Variants in FGF14 observed in about 807,000 individuals in gnomAD.
FGF14 encodes the protein fibroblast growth factor 14, also known as fibroblast growth factor homologous factor 4.
FGF14 carries 5 observed loss-of-function variants against 25.5 expected under a neutral mutation model. That is an observed-to-expected ratio of 0.20 (90% CI 0.10 to 0.41). The LOEUF (loss-of-function observed/expected upper bound fraction) is 0.41, where lower values mean the gene tolerates loss of function less well. Ranked by LOEUF, FGF14 falls within the 10% of genes least tolerant of loss-of-function variation. The probability of loss-of-function intolerance (pLI) is 1.00; values close to 1 mark genes in which losing one functional copy is unlikely to be tolerated. For synonymous variants in FGF14, 138 were observed against 118.3 expected (o/e 1.17, Z -1.08); for missense variants, 222 against 320.1 (o/e 0.69, Z 2.34).
At chr13:102,016,125 T>G (rs1458404262) in intron 1 of FGF14, among the ~76,000 whole-genome samples, 1 of 152,172 alleles carries the variant, frequency 6.6e-6, no homozygotes, top group Non-Finnish European at 1.5e-5. Context: ...AGCATCATTT[T>G]AAGTATTTTA....
At chr13:101,987,400 T>C (rs1196659256) in intron 1 of FGF14, among the ~76,000 whole-genome samples, 1 of 152,092 alleles carries the variant, frequency 6.6e-6, no homozygotes, top group East Asian at 1.9e-4. Flanking sequence ...TTCTCTTCTT[T>C]CATTTCCTTT....
intron 1 of FGF14, among the ~76,000 whole-genome samples, chr13:102,154,616 C>T (rs1395832104): frequency 2.0e-5 from 3 of 152,036 alleles, no homozygotes; most frequent in Admixed American, 1.3e-4. Flanking sequence ...AACTAACGAG[C>T]AAAATAACCA....
intron 1 of FGF14, among the ~76,000 whole-genome samples, chr13:102,222,304 A>G (rs1418665364): frequency 1.3e-5 from 2 of 152,166 alleles, no homozygotes; most frequent in Admixed American, 6.5e-5. Context: ...TGATTGCTAG[A>G]TCTTCTGGCA....
intron 1 of FGF14, among the ~76,000 whole-genome samples, chr13:102,353,092 G>A (rs2057333900): frequency 1.3e-5 from 2 of 152,044 alleles, no homozygotes; most frequent in African/African-American, 4.8e-5. Flanking sequence ...AAGTCACAAG[G>A]AATTGAAAAC....
At chr13:102,246,751 C>CAT (rs34759741) in intron 1 of FGF14, among the ~76,000 whole-genome samples, 74,025 of 147,838 alleles carry the variant, frequency 0.5, 18,322 homozygotes, top group Admixed American at 0.55. Context: ...TTATATGGAA[C>CAT]ATATATATAT....
chr13:102,000,589 T>C (rs1468606621), intron 1 of FGF14, among the ~76,000 whole-genome samples: 2 of 152,214 alleles, frequency 1.3e-5, no homozygotes, highest in South Asian at 2.1e-4. Context: ...AAAAAAGGTA[T>C]CTGAATAGCA....
intron 3 of FGF14, among the ~76,000 whole-genome samples, chr13:101,785,710 T>G (rs569875118): frequency 1.3e-5 from 2 of 152,330 alleles, no homozygotes; most frequent in African/African-American, 4.8e-5. Flanking sequence ...TCTATAGTAT[T>G]ATATGTGTTC....
At chr13:102,179,765 T>C (rs558120082) in intron 1 of FGF14, among the ~76,000 whole-genome samples, 2 of 152,094 alleles carry the variant, frequency 1.3e-5, no homozygotes, top group African/African-American at 4.8e-5. Flanking sequence ...TAATAATAAA[T>C]CTTTAAAACT....
chr13:102,180,192 CTGA>C (rs1437615173), intron 1 of FGF14, among the ~76,000 whole-genome samples: 1 of 152,286 alleles, frequency 6.6e-6, no homozygotes, highest in East Asian at 1.9e-4. Flanking sequence ...TATAAAATTG[CTGA>C]TGCTATTCTG....
intron 1 of FGF14, among the ~76,000 whole-genome samples, chr13:101,969,700 T>C (rs752229843): frequency 1.3e-5 from 2 of 152,230 alleles, no homozygotes; most frequent in Non-Finnish European, 2.9e-5. Flanking sequence ...TTTTGGCTTA[T>C]GTTACATTTT....
chr13:102,153,266 A>C (rs1463346886), intron 1 of FGF14, among the ~76,000 whole-genome samples: 1 of 152,184 alleles, frequency 6.6e-6, no homozygotes, highest in African/African-American at 2.4e-5. Context: ...AAGAACTAGA[A>C]TTTTTATATG....
At chr13:102,252,682 C>T (rs943640379) in intron 1 of FGF14, among the ~76,000 whole-genome samples, 3 of 150,874 alleles carry the variant, frequency 2.0e-5, no homozygotes, top group African/African-American at 7.3e-5. Flanking sequence ...TTTAATTATA[C>T]TTTAAGTTTT....
chr13:102,010,662 A>C (rs2040031211), intron 1 of FGF14, among the ~76,000 whole-genome samples: 2 of 152,172 alleles, frequency 1.3e-5, no homozygotes, highest in African/African-American at 4.8e-5. Context: ...TTCATCACTT[A>C]CCGGCTACAA....
At chr13:101,727,282 C>G (rs531486182) in intron 3 of FGF14, among the ~76,000 whole-genome samples, 112 of 152,192 alleles carry the variant, frequency 7.4e-4, no homozygotes, top group Non-Finnish European at 1.3e-3. Flanking sequence ...ATTTTACTTA[C>G]AAAGGAACAA....
intron 1 of FGF14, among the ~76,000 whole-genome samples, chr13:102,024,710 C>A (rs986013887): frequency 5.3e-5 from 8 of 151,772 alleles, no homozygotes; most frequent in Non-Finnish European, 1.2e-4. Flanking sequence ...AATATGTACA[C>A]CAATTTTTCT....
intron 1 of FGF14, among the ~76,000 whole-genome samples, chr13:101,901,077 A>C (rs1452690935): frequency 3.9e-5 from 6 of 152,186 alleles, no homozygotes; most frequent in Non-Finnish European, 8.8e-5. Context: ...CTAGGAATGG[A>C]CAGAAAGAGG....
intron 1 of FGF14, among the ~76,000 whole-genome samples, chr13:102,022,506 G>A (rs2040711662): frequency 6.6e-6 from 1 of 151,986 alleles, no homozygotes; most frequent in Admixed American, 6.6e-5. Flanking sequence ...CACTCCATCT[G>A]CTCAGAGGAA....
rs551267191 is a variant in FGF14, at chr13:101,780,635, G to A, written c.409-53825C>T. On this transcript the variant is annotated intron_variant, in intron 3 of 4. Transcript: ENST00000376143. Reference sequence around the variant, plus strand: ...TTGTTTGAAGTCAGGTGGGGAAAGGGGTGGTGCACTTGACATGTCTTTATT... The same window carrying A: ...TTGTTTGAAGTCAGGTGGGGAAAGGAGTGGTGCACTTGACATGTCTTTATT... Among the ~76,000 whole-genome samples, 35 of 152,114 alleles carry A rather than the reference G, an allele frequency of 2.3e-4. No homozygotes were observed. The South Asian group carries it at 7.3e-3, about 32-fold the overall frequency.
chr13:102,212,870 C>T (rs2050217381), intron 1 of FGF14, among the ~76,000 whole-genome samples: 2 of 152,158 alleles, frequency 1.3e-5, no homozygotes, highest in African/African-American at 4.8e-5. Flanking sequence ...AGTCTATTGT[C>T]ACCAGGCTGC....
Sources: allele counts gnomAD v4.1 joint callset (sites outside exome capture counted in the v4.1 genomes callset), GRCh38; gene constraint gnomAD v4.1.1; transcripts MANE v1.5; gene names NCBI Gene and HGNC (gene_info 2026-07-23, HGNC 2026-07-21).